The following TTC28 variants were observed in gnomAD, a reference collection of about 807,000 sequenced individuals.
TTC28 encodes tetratricopeptide repeat protein 28.
In TTC28, 61 loss-of-function variants were observed where a neutral mutation model predicts 198.0. The ratio of observed to expected loss-of-function variants is 0.31; its 90% CI spans 0.25 to 0.38. TTC28 has a LOEUF of 0.38. Among genes scored for constraint, TTC28 ranks in the 10% least tolerant of loss-of-function variants. TTC28 has a pLI of 1.00. For synonymous variants in TTC28, 1,171 were observed against 1,297.8 expected (o/e 0.90, Z 2.10); for missense variants, 2,678 against 3,164.0 (o/e 0.85, Z 3.69).
At chr22:28,385,098 G>A (rs1407630294) in intron 2 of TTC28, among the ~76,000 whole-genome samples, 7 of 146,114 alleles carry the variant, frequency 4.8e-5, no homozygotes, top group South Asian at 2.2e-4. Flanking sequence ...CCGAGATTGC[G>A]CCATTGCACT....
intron 5 of TTC28, among the ~76,000 whole-genome samples, chr22:28,193,113 GA>G (rs1162489562): frequency 1.3e-5 from 2 of 152,232 alleles, no homozygotes; most frequent in African/African-American, 4.8e-5. Context: ...CTACAAGCCA[GA>G]AAAGAGTGGG....
chr22:28,207,286 T>C (rs1322091483), intron 5 of TTC28, among the ~76,000 whole-genome samples: 1 of 148,370 alleles, frequency 6.7e-6, no homozygotes, highest in Non-Finnish European at 1.5e-5. Context: ...ATAGCTGTGA[T>C]ATCATTCTGG....
intron 5 of TTC28, among the ~76,000 whole-genome samples, chr22:28,197,220 A>T (rs563160007): frequency 1.4e-5 from 2 of 143,268 alleles, no homozygotes; most frequent in East Asian, 4.4e-4. Flanking sequence ...GAATTGAACA[A>T]TGAGAACACA....
At chr22:28,061,202 G>T (rs571126659) in intron 12 of TTC28, among the ~76,000 whole-genome samples, 15 of 152,286 alleles carry the variant, frequency 9.8e-5, no homozygotes, top group African/African-American at 3.6e-4. Flanking sequence ...CTTTTGCTGT[G>T]CAGAAGCTCT....
At chr22:28,188,804 G>A (rs886680554) in intron 5 of TTC28, among the ~76,000 whole-genome samples, 2 of 152,138 alleles carry the variant, frequency 1.3e-5, no homozygotes, top group African/African-American at 2.4e-5. Flanking sequence ...AGACTAACAT[G>A]AGGGGGATTC....
chr22:28,431,645 T>C (rs548643421), intron 2 of TTC28, among the ~76,000 whole-genome samples: 1 of 152,322 alleles, frequency 6.6e-6, no homozygotes, highest in Admixed American at 6.5e-5. Flanking sequence ...TGTACTAAGT[T>C]TCTCCATATT....
intron 2 of TTC28, among the ~76,000 whole-genome samples, chr22:28,476,380 G>A (rs1374173699): frequency 2.0e-5 from 3 of 152,056 alleles, no homozygotes; most frequent in Non-Finnish European, 4.4e-5. Context: ...GGACAACTGG[G>A]TATTTTCCAG....
intron 2 of TTC28, among the ~76,000 whole-genome samples, chr22:28,545,279 A>G (rs1269541634): frequency 2.6e-5 from 4 of 152,130 alleles, no homozygotes; most frequent in Non-Finnish European, 4.4e-5. Flanking sequence ...TTTAAAAACT[A>G]ATAGAAGTGG....
intron 2 of TTC28, among the ~76,000 whole-genome samples, chr22:28,390,672 C>T (rs1488840970): frequency 6.6e-6 from 1 of 151,966 alleles, no homozygotes; most frequent in Non-Finnish European, 1.5e-5. Context: ...CAACCCCTGC[C>T]TTTTTTTGTT....
chr22:28,208,088 C>A (rs901703153), intron 5 of TTC28, among the ~76,000 whole-genome samples: 1 of 152,090 alleles, frequency 6.6e-6, no homozygotes, highest in Non-Finnish European at 1.5e-5. Flanking sequence ...TTTAAGTATG[C>A]GTGTAATCTC....
At chr22:28,426,016 G>A (rs540560975) in intron 2 of TTC28, among the ~76,000 whole-genome samples, 1 of 152,164 alleles carries the variant, frequency 6.6e-6, no homozygotes, top group African/African-American at 2.4e-5. Context: ...TTCAAGACCA[G>A]CCTGGCCAAC....
At chr22:28,346,362 A>C (rs1006468584) in intron 2 of TTC28, among the ~76,000 whole-genome samples, 3 of 152,202 alleles carry the variant, frequency 2.0e-5, no homozygotes, top group African/African-American at 7.2e-5. Flanking sequence ...CACAGCCTGA[A>C]TATCTGGGGA....
chr22:28,505,286 A>T (rs960038293), intron 2 of TTC28, among the ~76,000 whole-genome samples: 1 of 151,842 alleles, frequency 6.6e-6, no homozygotes, highest in Admixed American at 6.6e-5. Flanking sequence ...AAAGTTTAAA[A>T]CTTTAGAAGC....
At chr22:28,547,321 T>C (rs893400221) in intron 2 of TTC28, among the ~76,000 whole-genome samples, 4 of 152,074 alleles carry the variant, frequency 2.6e-5, no homozygotes, top group Non-Finnish European at 4.4e-5. Flanking sequence ...ACTGCCAAAG[T>C]TTTTCCCTGC....
At chr22:28,247,074 T>G (rs1434666767) in intron 5 of TTC28, among the ~76,000 whole-genome samples, 1 of 152,148 alleles carries the variant, frequency 6.6e-6, no homozygotes, top group Non-Finnish European at 1.5e-5. Context: ...GAAAAATGAT[T>G]AAGATCAAGA....
At chr22:28,368,121 A>G (rs1167427147) in intron 2 of TTC28, among the ~76,000 whole-genome samples, 1 of 152,124 alleles carries the variant, frequency 6.6e-6, no homozygotes, top group Non-Finnish European at 1.5e-5. Context: ...ACTACAGGCC[A>G]ATATCTCTGA....
intron 2 of TTC28, among the ~76,000 whole-genome samples, chr22:28,346,837 T>C (rs1352963531): frequency 6.6e-6 from 1 of 152,118 alleles, no homozygotes; most frequent in Non-Finnish European, 1.5e-5. Flanking sequence ...GTTAAGCACA[T>C]TGCATTGCAC....
At chr22:28,579,184 A>T (rs1318031937) in intron 2 of TTC28, among the ~76,000 whole-genome samples, 1 of 151,054 alleles carries the variant, frequency 6.6e-6, no homozygotes, top group Non-Finnish European at 1.5e-5. Context: ...ATGTATAGTT[A>T]TATATACATA....
intron 5 of TTC28, among the ~76,000 whole-genome samples, chr22:28,179,327 T>A (rs1923482163): frequency 6.7e-6 from 1 of 148,226 alleles, no homozygotes; most frequent in South Asian, 2.1e-4. Flanking sequence ...GCACAGCTAA[T>A]TTTTTTTTTG....
Sources: gnomAD v4.1 joint callset for allele counts (sites outside exome capture counted in the v4.1 genomes callset) on GRCh38, gnomAD v4.1.1 for gene constraint, MANE v1.5 for transcripts, NCBI Gene and HGNC (gene_info 2026-07-23, HGNC 2026-07-21) for gene names.